Variants in GRIA1 observed in about 807,000 individuals in gnomAD.
GRIA1 encodes glutamate ionotropic receptor AMPA type subunit 1.
A neutral mutation model predicts 99.2 loss-of-function variants in GRIA1; 31 were observed. The ratio of observed to expected loss-of-function variants is 0.31; its 90% CI spans 0.23 to 0.42. The LOEUF (loss-of-function observed/expected upper bound fraction) is 0.42. GRIA1 is among the 10% of genes least tolerant of loss of function. The pLI is 1.00. For synonymous variants in GRIA1, 438 were observed against 432.4 expected (o/e 1.01, Z -0.16); for missense variants, 782 against 1,157.5 (o/e 0.68, Z 4.71).
At chr5:153,554,665 T>G (rs1043135345) in intron 2 of GRIA1, among the ~76,000 whole-genome samples, 1 of 152,176 alleles carries the variant, frequency 6.6e-6, no homozygotes, top group South Asian at 2.1e-4. Context: ...GGCTAATTTT[T>G]ATATTTTTAG....
rs186209110 is a variant in GRIA1, at chr5:153,497,431, C to T, written c.220+3366C>T. Among the ~76,000 whole-genome samples the T allele has an allele frequency of 1.2e-4, 18 of 152,260 alleles. No homozygotes were observed. The East Asian group carries it at 3.5e-3, about 29-fold the overall frequency. ...TAATTTATTCACCTATTTATTCATT[C>T]ATTCATTCAGCAAGTACATACTGAA... On this transcript the variant is annotated intron_variant, in intron 2 of 15. Transcript: ENST00000285900.
chr5:153,685,690 T>C (rs1335495078), intron 7 of GRIA1, among the ~76,000 whole-genome samples: 1 of 152,210 alleles, frequency 6.6e-6, no homozygotes, highest in Non-Finnish European at 1.5e-5. Context: ...AGTCTTTCAA[T>C]TGCCAAGTAT....
At chr5:153,731,138 C>T (rs1423371529) in intron 11 of GRIA1, among the ~76,000 whole-genome samples, 1 of 152,034 alleles carries the variant, frequency 6.6e-6, no homozygotes, top group Non-Finnish European at 1.5e-5. Context: ...AAGTCTAAAC[C>T]TATTAATGTA....
chr5:153,539,282 A>G (rs937966675), intron 2 of GRIA1, among the ~76,000 whole-genome samples: 3 of 152,260 alleles, frequency 2.0e-5, no homozygotes, highest in Admixed American at 1.3e-4. Context: ...CATTGTTATT[A>G]TATTCTAGCC....
chr5:153,659,255 G>A (rs1207622463), intron 5 of GRIA1, among the ~76,000 whole-genome samples: 1 of 152,120 alleles, frequency 6.6e-6, no homozygotes, highest in African/African-American at 2.4e-5. Flanking sequence ...CATATGGTGT[G>A]TATGTACATA....
chr5:153,562,906 G>A (rs1405023110), intron 2 of GRIA1, among the ~76,000 whole-genome samples: 2 of 152,114 alleles, frequency 1.3e-5, no homozygotes, highest in Non-Finnish European at 1.5e-5. Flanking sequence ...GGCCAGGCAC[G>A]GTGGCTCATG....
intron 10 of GRIA1, among the ~76,000 whole-genome samples, chr5:153,703,943 C>T (rs749335742): frequency 6.6e-6 from 1 of 152,016 alleles, no homozygotes; most frequent in Non-Finnish European, 1.5e-5. Flanking sequence ...TGTTGGTTTA[C>T]AAACAAAAAA....
intron 2 of GRIA1, among the ~76,000 whole-genome samples, chr5:153,534,826 A>G (rs1908100): frequency 6.6e-6 from 1 of 152,208 alleles, no homozygotes; most frequent in East Asian, 1.9e-4. Flanking sequence ...TGGGATTCAT[A>G]TCACTGTCTT....
At chr5:153,620,630 T>C (rs189835149) in intron 2 of GRIA1, among the ~76,000 whole-genome samples, 57 of 152,350 alleles carry the variant, frequency 3.7e-4, no homozygotes, top group African/African-American at 1.1e-3. Context: ...CATGATTTCT[T>C]CTATTTAAAT....
chr5:153,679,491 G>A (rs1756823017), intron 7 of GRIA1, among the ~76,000 whole-genome samples: 1 of 152,220 alleles, frequency 6.6e-6, no homozygotes, highest in South Asian at 2.1e-4. Flanking sequence ...GGGTCACACA[G>A]CAGCTTAGTG....
At chr5:153,676,902 A>G in intron 6 of GRIA1, 92 bp from the exon 7 acceptor site, 1 of 1,075,118 alleles carries the variant, frequency 9.3e-7, no homozygotes, top group South Asian at 3.0e-5. Flanking sequence ...CACCCTTCTC[A>G]TCACCAGAAA....
chr5:153,804,469 C>T (rs921333079), intron 15 of GRIA1, among the ~76,000 whole-genome samples: 22 of 152,164 alleles, frequency 1.4e-4, no homozygotes, highest in African/African-American at 5.1e-4. Context: ...AGGACAAGAA[C>T]TAGGGGAGCT....
chr5:153,557,195 T>C (rs1760723274), intron 2 of GRIA1, among the ~76,000 whole-genome samples: 1 of 152,166 alleles, frequency 6.6e-6, no homozygotes, highest in Non-Finnish European at 1.5e-5. Flanking sequence ...AGGACATTAC[T>C]ATGCACTACT....
intron 13 of GRIA1, among the ~76,000 whole-genome samples, chr5:153,787,302 C>T (rs1765024742): frequency 6.6e-6 from 1 of 152,272 alleles, no homozygotes; most frequent in East Asian, 1.9e-4. Flanking sequence ...TCCCCTGGAC[C>T]TCCCAGTTCC....
rs369686200 is a variant in GRIA1, at chr5:153,650,526, A to G, written c.645+12A>G. Reference sequence around the variant, plus strand: ...CTATCTTGGGCCAGGTAGTGAAAGCAGCAAGGGCTCAGGGTGGGTGCGGGA... The same window carrying G: ...CTATCTTGGGCCAGGTAGTGAAAGCGGCAAGGGCTCAGGGTGGGTGCGGGA... On this transcript the variant is annotated intron_variant, in intron 4 of 15. Coordinates refer to ENST00000285900, the MANE Select transcript of GRIA1 (RefSeq NM_000827.4). 1.2e-6 allele frequency: 2 copies of G among 1,612,714 alleles called. No homozygotes were observed. The highest frequency in any genetic ancestry group is 1.3e-5 in the African/African-American group (1 of 74,984).
intron 11 of GRIA1, among the ~76,000 whole-genome samples, chr5:153,718,900 T>A (rs1343610701): frequency 6.6e-6 from 1 of 152,136 alleles, no homozygotes; most frequent in Non-Finnish European, 1.5e-5. Flanking sequence ...ATTGGCAGCA[T>A]CACTCATCCC....
At chr5:153,761,854 T>A (rs1763205090) in intron 11 of GRIA1, among the ~76,000 whole-genome samples, 1 of 152,240 alleles carries the variant, frequency 6.6e-6, no homozygotes, top group African/African-American at 2.4e-5. Flanking sequence ...AATGAAATCC[T>A]GTCATTTGCA....
chr5:153,608,389 G>A (rs1357868106), intron 2 of GRIA1, among the ~76,000 whole-genome samples: 1 of 152,072 alleles, frequency 6.6e-6, no homozygotes, highest in Non-Finnish European at 1.5e-5. Context: ...TTACAATGAT[G>A]TTAAGGTGTT....
At chr5:153,669,925 T>G (rs1476131919) in intron 5 of GRIA1, among the ~76,000 whole-genome samples, 1 of 152,216 alleles carries the variant, frequency 6.6e-6, no homozygotes, top group Non-Finnish European at 1.5e-5. Context: ...TTGGAATTCT[T>G]CTGATGATTA....
Sources: gnomAD v4.1 joint callset for allele counts (sites outside exome capture counted in the v4.1 genomes callset) on GRCh38, gnomAD v4.1.1 for gene constraint, MANE v1.5 for transcripts, NCBI Gene and HGNC (gene_info 2026-07-23, HGNC 2026-07-21) for gene names.